The following ANO6 variants were observed in gnomAD, a reference collection of about 807,000 sequenced individuals.
The protein encoded by ANO6 is anoctamin 6.
In ANO6, 106 loss-of-function variants were observed where a neutral mutation model predicts 117.5. That is an observed-to-expected ratio of 0.90 (90% CI 0.77 to 1.06). The LOEUF is 1.06. ANO6 is among the 50% of genes least tolerant of loss of function. ANO6 has a pLI of 0.00. For missense variants in ANO6, 955 were observed against 1,121.1 expected (o/e 0.85, Z 2.12); for synonymous variants, 367 against 385.1 (o/e 0.95, Z 0.55).
intron 12 of ANO6, among the ~76,000 whole-genome samples, chr12:45,396,321 C>T (rs1368558493): frequency 6.6e-6 from 1 of 152,070 alleles, no homozygotes; most frequent in African/African-American, 2.4e-5. Context: ...AACTACAAAC[C>T]ACTGCTCAAC....
At chr12:45,399,395 C>T (rs774383050) in intron 12 of ANO6, among the ~76,000 whole-genome samples, 21 of 152,068 alleles carry the variant, frequency 1.4e-4, no homozygotes, top group Non-Finnish European at 2.4e-4. Flanking sequence ...GGGGTTTCAC[C>T]ATGTTGGCCA....
chr12:45,303,202 A>G (rs985910688), intron 2 of ANO6, among the ~76,000 whole-genome samples: 1 of 152,232 alleles, frequency 6.6e-6, no homozygotes, highest in South Asian at 2.1e-4. Flanking sequence ...TCACCTGGAT[A>G]TAATAGAAAG....
chr12:45,286,974 T>C (rs1938937522), intron 1 of ANO6, among the ~76,000 whole-genome samples: 1 of 152,200 alleles, frequency 6.6e-6, no homozygotes, highest in South Asian at 2.1e-4. Flanking sequence ...ATGCATTCAT[T>C]TGGTCAGTCA....
At chr12:45,322,654 G>A (rs932552873) in intron 2 of ANO6, among the ~76,000 whole-genome samples, 15 of 152,112 alleles carry the variant, frequency 9.9e-5, no homozygotes, top group Admixed American at 6.6e-4. Flanking sequence ...AACCTCATTA[G>A]TAGCGGTCAA....
intron 15 of ANO6, among the ~76,000 whole-genome samples, chr12:45,408,642 T>A (rs1443015564): frequency 6.6e-6 from 1 of 152,200 alleles, no homozygotes; most frequent in African/African-American, 2.4e-5. Context: ...GAATTGGACC[T>A]ATTTTATCTA....
At chr12:45,274,846 G>T (rs1434536786) in intron 1 of ANO6, among the ~76,000 whole-genome samples, 1 of 145,832 alleles carries the variant, frequency 6.9e-6, no homozygotes. Context: ...TCTCATCTAG[G>T]ATGCTTGCTG....
At chr12:45,264,277 A>G (rs960253424) in intron 1 of ANO6, among the ~76,000 whole-genome samples, 3 of 152,192 alleles carry the variant, frequency 2.0e-5, no homozygotes, top group Admixed American at 6.5e-5. Flanking sequence ...TGTTGAATAC[A>G]TGTATGTCTT....
chr12:45,381,783 T>G lies in ANO6; in HGVS notation c.1165+3670T>G, dbSNP rs79869349. ...AAACAGAAGCATTTTACCCAGTATG[T>G]TCAAATTCAGGGAGGAGGGAAGAGG... On this transcript the variant is annotated intron_variant, in intron 10 of 19. Transcript: ENST00000320560. Among the ~76,000 whole-genome samples the G allele has an allele frequency of 2.0e-5, 3 of 152,256 alleles. No individual in the cohort carries two copies. In the East Asian group the frequency reaches 5.8e-4, roughly 29 times the overall value.
chr12:45,255,008 A>G (rs1244642653), intron 1 of ANO6, among the ~76,000 whole-genome samples: 1 of 152,224 alleles, frequency 6.6e-6, no homozygotes, highest in African/African-American at 2.4e-5. Context: ...TACTTTCCAT[A>G]TATATCTCTT....
chr12:45,278,391 A>C (rs117811616), intron 1 of ANO6, among the ~76,000 whole-genome samples: 3,076 of 152,322 alleles, frequency 0.02, 56 homozygotes, highest in Admixed American at 0.035. Flanking sequence ...CATTTTGTCT[A>C]ATCCATGAAT....
intron 12 of ANO6, among the ~76,000 whole-genome samples, chr12:45,393,284 A>G (rs1942507434): frequency 1.3e-5 from 2 of 152,188 alleles, no homozygotes; most frequent in Non-Finnish European, 2.9e-5. Context: ...AAGAGAGAAG[A>G]CAAGGTTAGA....
chr12:45,335,725 T>C (rs1940804821), intron 3 of ANO6: 1 of 152,060 alleles, frequency 6.6e-6, no homozygotes, highest in Admixed American at 6.6e-5. Context: ...CAACCTGTAG[T>C]GTCCATGCAG....
intron 1 of ANO6, among the ~76,000 whole-genome samples, chr12:45,295,503 G>A (rs750180810): frequency 2.0e-5 from 3 of 152,128 alleles, no homozygotes; most frequent in Non-Finnish European, 4.4e-5. Context: ...ATGAAGCGAC[G>A]GGAAATGGTG....
intron 3 of ANO6, among the ~76,000 whole-genome samples, chr12:45,333,069 C>T (rs1592979083): frequency 1.3e-5 from 2 of 151,584 alleles, no homozygotes; most frequent in East Asian, 3.9e-4. Flanking sequence ...AAAATATTGG[C>T]TCACCATACA....
At chr12:45,399,499 C>CT (rs987119146) in intron 12 of ANO6, among the ~76,000 whole-genome samples, 4 of 151,790 alleles carry the variant, frequency 2.6e-5, no homozygotes, top group African/African-American at 4.8e-5. Context: ...TGGCCGAGGT[C>CT]TTTTTTTTAA....
At chr12:45,401,741 G>A in intron 12 of ANO6, 54 bp from the exon 13 acceptor site, 1 of 1,420,142 alleles carries the variant, frequency 7.0e-7, no homozygotes, top group Non-Finnish European at 9.9e-7. Context: ...GTTTTTAATA[G>A]TACAAGTGCA....
chr12:45,397,537 T>C (rs917792329), intron 12 of ANO6, among the ~76,000 whole-genome samples: 3 of 152,194 alleles, frequency 2.0e-5, no homozygotes, highest in East Asian at 3.8e-4. Context: ...CATGCACATA[T>C]ATGTTTATTG....
intron 9 of ANO6, among the ~76,000 whole-genome samples, chr12:45,372,227 A>G (rs1262917610): frequency 1.3e-5 from 2 of 149,202 alleles, no homozygotes; most frequent in African/African-American, 2.5e-5. Context: ...GACCAAATCT[A>G]CGTCTGATTG....
At chr12:45,311,993 ATAACAGTGTTCATTC>A (rs1939864855) in intron 2 of ANO6, among the ~76,000 whole-genome samples, 1 of 152,040 alleles carries the variant, frequency 6.6e-6, no homozygotes, top group East Asian at 1.9e-4. Context: ...CTTTCTCCAT[ATAACAGTGTTCATTC>A]TACCTGGTTT....
Sources: allele counts gnomAD v4.1 joint callset (sites outside exome capture counted in the v4.1 genomes callset), GRCh38; gene constraint gnomAD v4.1.1; transcripts MANE v1.5; gene names NCBI Gene and HGNC (gene_info 2026-07-23, HGNC 2026-07-21).